The following TMEM117 variants were observed in gnomAD, a reference collection of about 807,000 sequenced individuals.
TMEM117 encodes transmembrane protein 117.
In TMEM117, 27 loss-of-function variants were observed where a neutral mutation model predicts 52.4. The observed-to-expected ratio is 0.51, with a 90% CI of 0.38 to 0.71. The LOEUF (loss-of-function observed/expected upper bound fraction) is 0.71, where lower values mean the gene tolerates loss of function less well. Among genes scored for constraint, TMEM117 ranks in the 30% least tolerant of loss-of-function variants. The probability of loss-of-function intolerance (pLI) is 0.00; values close to 1 mark genes in which losing one functional copy is unlikely to be tolerated. For missense variants in TMEM117, 556 were observed against 630.5 expected (o/e 0.88, Z 1.26); for synonymous variants, 215 against 206.3 (o/e 1.04, Z -0.36).
chr12:44,283,660 C>G (rs949669943), intron 5 of TMEM117, among the ~76,000 whole-genome samples: 7 of 152,248 alleles, frequency 4.6e-5, no homozygotes, highest in African/African-American at 1.7e-4. Context: ...AGGGACTTGC[C>G]TTGTCTCAGA....
chr12:43,944,927 A>G (rs1255421766), intron 3 of TMEM117, among the ~76,000 whole-genome samples: 1 of 152,104 alleles, frequency 6.6e-6, no homozygotes, highest in Non-Finnish European at 1.5e-5. Context: ...CCTAGCCAAC[A>G]TGGTGAAACT....
chr12:44,203,245 C>T (rs185579193), intron 4 of TMEM117, among the ~76,000 whole-genome samples: 1,748 of 152,238 alleles, frequency 0.011, 22 homozygotes, highest in South Asian at 0.052. Context: ...AATTTTTATC[C>T]ATAGAAATGC....
At chr12:44,299,826 T>C (rs1265818866) in intron 6 of TMEM117, 87 bp downstream of exon 6, 1 of 1,473,024 alleles carries the variant, frequency 6.8e-7, no homozygotes, top group East Asian at 2.3e-5. Flanking sequence ...GCTCCATAAA[T>C]CTAAATAAGT....
Position 44,143,591 on chromosome 12 carries a change from G to A in TMEM117, c.477G>A (p.Gly159=). The stretch of plus-strand genomic sequence containing the variant: ...GTTTCATGAAATTAGCTGCAGTAGG[G>A]ACCTGGATGGGGGACTTTGTCACAG... ...NESFMKLAAV[G]TWMGDFVTAW... Residue 159 remains glycine, a synonymous_variant, in exon 4 of 8, where the codon GGG becomes GGA. Transcript: ENST00000266534. 6.2e-7 allele frequency: 1 copy of A among 1,613,936 alleles called. No homozygotes were observed. Among genetic ancestry groups the A allele is most frequent in the Non-Finnish European group, 8.5e-7 (1 of 1,179,920 alleles).
chr12:44,240,637 C>A (rs2138479687), intron 5 of TMEM117, among the ~76,000 whole-genome samples: 1 of 151,976 alleles, frequency 6.6e-6, no homozygotes, highest in South Asian at 2.1e-4. Flanking sequence ...TATGTTAATG[C>A]TTTTTTATTT....
At chr12:44,226,274 T>C (rs1468979366) in intron 5 of TMEM117, among the ~76,000 whole-genome samples, 2 of 152,184 alleles carry the variant, frequency 1.3e-5, no homozygotes, top group South Asian at 2.1e-4. Context: ...TAAGTGGTTA[T>C]TGACTGAGAA....
At chr12:44,137,970 T>C (rs1948516362) in intron 3 of TMEM117, among the ~76,000 whole-genome samples, 1 of 152,162 alleles carries the variant, frequency 6.6e-6, no homozygotes, top group African/African-American at 2.4e-5. Flanking sequence ...ATGAAATAGT[T>C]GTACTAGAAG....
chr12:44,048,959 A>G (rs1946923440), intron 3 of TMEM117, among the ~76,000 whole-genome samples: 1 of 152,178 alleles, frequency 6.6e-6, no homozygotes, highest in South Asian at 2.1e-4. Context: ...ACTTTTTTAT[A>G]TTTATATAGC....
chr12:43,916,850 G>A (rs201953967), intron 2 of TMEM117, among the ~76,000 whole-genome samples: 2 of 152,106 alleles, frequency 1.3e-5, no homozygotes, highest in Admixed American at 1.3e-4. Context: ...AGTAGATCTA[G>A]GCTTCTTTTC....
At chr12:44,235,033 C>A (rs1949978825) in intron 5 of TMEM117, among the ~76,000 whole-genome samples, 1 of 151,590 alleles carries the variant, frequency 6.6e-6, no homozygotes, top group South Asian at 2.1e-4. Context: ...CTGAGAGCTA[C>A]ATGTAAGTGT....
At chr12:44,114,070 G>A (rs1450473181) in intron 3 of TMEM117, among the ~76,000 whole-genome samples, 4 of 147,886 alleles carry the variant, frequency 2.7e-5, no homozygotes, top group Admixed American at 6.7e-5. Context: ...TTCGGCTCGC[G>A]CACGGTGCGC....
chr12:44,132,822 C>T (rs1276946745), intron 3 of TMEM117, among the ~76,000 whole-genome samples: 4 of 151,886 alleles, frequency 2.6e-5, no homozygotes, highest in Non-Finnish European at 4.4e-5. Flanking sequence ...ACATGTGGCA[C>T]CAAAAGGCCT....
intron 5 of TMEM117, among the ~76,000 whole-genome samples, chr12:44,285,272 T>C (rs922608175): frequency 6.6e-6 from 1 of 152,248 alleles, no homozygotes; most frequent in Non-Finnish European, 1.5e-5. Flanking sequence ...GGTTCTTTTC[T>C]TGTTGAAGTA....
intron 4 of TMEM117, among the ~76,000 whole-genome samples, chr12:44,182,117 T>A (rs963881103): frequency 3.3e-5 from 5 of 152,196 alleles, no homozygotes; most frequent in Admixed American, 6.5e-5. Context: ...TTGGAAGCAA[T>A]TGTGAATGGG....
chr12:44,350,591 T>A (rs1951548796), intron 6 of TMEM117, among the ~76,000 whole-genome samples: 1 of 152,000 alleles, frequency 6.6e-6, no homozygotes, highest in Non-Finnish European at 1.5e-5. Context: ...GATTTTTAGA[T>A]CCCACAAATA....
intron 3 of TMEM117, among the ~76,000 whole-genome samples, chr12:44,126,920 C>G (rs1017668507): frequency 6.6e-6 from 1 of 152,186 alleles, no homozygotes; most frequent in Non-Finnish European, 1.5e-5. Context: ...AAAAAGAGAG[C>G]CATGTAGTTC....
intron 3 of TMEM117, among the ~76,000 whole-genome samples, chr12:44,133,572 A>T (rs1190154432): frequency 6.6e-6 from 1 of 152,034 alleles, no homozygotes; most frequent in Non-Finnish European, 1.5e-5. Context: ...ACATTTCAAA[A>T]GCAGAGCGTG....
At chr12:44,020,551 G>A (rs1332161462) in intron 3 of TMEM117, among the ~76,000 whole-genome samples, 2 of 152,110 alleles carry the variant, frequency 1.3e-5, no homozygotes, top group Non-Finnish European at 2.9e-5. Context: ...TATCATTTGT[G>A]CCTTTTAACC....
chr12:44,379,200 A>AAGAAAGGAAGGAAGGT, intron 7 of TMEM117, among the ~76,000 whole-genome samples: 2 of 151,462 alleles, frequency 1.3e-5, no homozygotes, highest in South Asian at 4.2e-4. Flanking sequence ...GGAAGGAAGG[A>AAGAAAGGAAGGAAGGT]AGGAAGGAAG....
Sources: allele counts gnomAD v4.1 joint callset (sites outside exome capture counted in the v4.1 genomes callset), GRCh38; gene constraint gnomAD v4.1.1; transcripts MANE v1.5; gene names NCBI Gene and HGNC (gene_info 2026-07-23, HGNC 2026-07-21).